HEATR1: variants seen among roughly 807,000 people sequenced by gnomAD.
HEATR1 encodes HEAT repeat-containing protein 1.
A neutral mutation model predicts 248.2 loss-of-function variants in HEATR1; 77 were observed. That is an observed-to-expected ratio of 0.31 (90% CI 0.26 to 0.37). The LOEUF (loss-of-function observed/expected upper bound fraction) is 0.37. HEATR1 is among the 10% of genes least tolerant of loss of function. The pLI is 1.00. For missense variants in HEATR1, 2,420 were observed against 2,504.9 expected, an observed-to-expected ratio of 0.97 and a Z score of 0.72; for synonymous variants, 897 against 923.1, an observed-to-expected ratio of 0.97 and a Z score of 0.51.
In HEATR1 at chr1:236,586,417, A is replaced by C. The variant is rs1663885696; in HGVS notation, c.1751T>G (p.Ile584Ser). The C allele has an allele frequency of 6.2e-6, 10 of 1,613,076 alleles. No individual in the cohort carries two copies. The highest frequency in any genetic ancestry group is 1.3e-5 in the African/African-American group (1 of 74,968). ...ATTTTCACTCAGTATCTCTTCTTTA[A>C]TTAATATGTCAGCGGCTATCTTAAG... Reference protein sequence around the residue: ...EVLKIAADILIKEEILSENDQ... With the variant: ...EVLKIAADILSKEEILSENDQ... The change falls in exon 15 of 45, where the codon ATT (isoleucine) becomes AGT (serine). Residue 584 changes from isoleucine (I) to serine (S), a missense_variant. Ile to Ser is a moderately radical substitution (Grantham distance 142). Transcript: ENST00000366582.
intron 5 of HEATR1, 128 bp downstream of exon 5, chr1:236,597,750 C>A: frequency 1.7e-6 from 1 of 579,446 alleles, no homozygotes; most frequent in Non-Finnish European, 2.9e-6. Context: ...CTTCAAAACA[C>A]CAGACCATTT....
At chr1:236,589,546 AT>A (rs1663977962) in intron 12 of HEATR1, among the ~76,000 whole-genome samples, 1 of 152,232 alleles carries the variant, frequency 6.6e-6, no homozygotes. Flanking sequence ...TATAAAACCA[AT>A]AAAATTCAAA....
intron 22 of HEATR1, 95 bp downstream of exon 22, chr1:236,576,123 AT>A (rs1663556039): frequency 1.1e-6 from 1 of 930,434 alleles, no homozygotes. Flanking sequence ...GAGCGCACAC[AT>A]GCAACTCTTA....
Position 236,592,620 on chromosome 1 carries a change from C to G in HEATR1, c.1207G>C (p.Glu403Gln). Reference protein sequence around the residue: ...DHLLASLLFEEYISYSSQEEM... With the variant: ...DHLLASLLFEQYISYSSQEEM... ...TCCTGTGAACTATATGAAATATACT[C>G]TTCAAATAGAAGGCTGTAAAAAAAA... is the stretch of plus-strand genomic sequence containing the variant. The change falls in exon 10 of 45, where the codon GAG becomes CAG. Residue 403 changes from glutamate to glutamine, a missense_variant. Coordinates refer to ENST00000366582, the MANE Select transcript of HEATR1 (RefSeq NM_018072.6). 1 of 1,362,824 alleles carries G rather than the reference C, an allele frequency of 7.3e-7. No individual in the cohort carries two copies. The highest frequency in any genetic ancestry group is 1.0e-6 in the Non-Finnish European group (1 of 975,926). 84.4% of individuals were successfully genotyped at this position (1,362,824 alleles called of 1,614,324 possible).
At chr1:236,580,519 C>CTTTTTTTTT (rs10692063) in intron 20 of HEATR1, among the ~76,000 whole-genome samples, 7 of 132,126 alleles carry the variant, frequency 5.3e-5, no homozygotes, top group East Asian at 2.2e-4. Flanking sequence ...ATGTACAGCC[C>CTTTTTTTTT]TTTTTTTTTT....
chr1:236,553,775 T>A, intron 42 of HEATR1, 36 bp from the exon 43 acceptor site: 1 of 1,570,090 alleles, frequency 6.4e-7, no homozygotes, highest in Non-Finnish European at 8.6e-7. Context: ...GAACAACAAG[T>A]CTCATTTCTT....
In HEATR1 at chr1:236,554,771, T is replaced by TA. The variant is rs1252604978; in HGVS notation, c.5924-20dup. 18 of 1,584,878 alleles carry TA rather than the reference T, an allele frequency of 1.1e-5. No individual in the cohort carries two copies. Among genetic ancestry groups the TA allele is most frequent in the Non-Finnish European group, 1.5e-5 (18 of 1,170,596 alleles). On this transcript the variant is annotated intron_variant, in intron 41 of 44. Coordinates refer to ENST00000366582, the MANE Select transcript of HEATR1 (RefSeq NM_018072.6). ...GCTTCATCTGTAGACGTGGGAAGAGTAAAAATGAAAAAACACTGAACTTAA... is the reference window on the plus strand; with the variant it reads ...GCTTCATCTGTAGACGTGGGAAGAGTAAAAAATGAAAAAACACTGAACTTAA...
chr1:236,549,141 T>A lies in HEATR1; in HGVS notation c.*1761A>T, dbSNP rs1455680846. The A allele has an allele frequency of 5.0e-6, 2 of 396,478 alleles. No individual in the cohort carries two copies. Among genetic ancestry groups the A allele is most frequent in the African/African-American group, 4.1e-5 (2 of 48,606 alleles). 24.6% of individuals were successfully genotyped at this position (396,478 alleles called of 1,614,324 possible). A position where few individuals can be genotyped will look rare whatever the true frequency, so the allele number is the denominator to read the frequency against. On this transcript the variant is annotated 3_prime_UTR_variant, in exon 45 of 45. Transcript: ENST00000366582. ...AGGCAGAGGTAATGCAGAAATCTGT[T>A]TTGTTCCCATGAAATCACCAATCAA... is the stretch of plus-strand genomic sequence containing the variant.
At position 236,564,491 on chromosome 1, in the gene HEATR1, A is replaced by C; in HGVS notation, c.4599+7T>G. ...CTTTTTATAAACACATTTAAAGAAC[A>C]CATTACCTTTTTCAGAAAATTATTG... On this transcript the variant is annotated splice_region_variant and intron_variant, in intron 32 of 44. Transcript: ENST00000366582. 1 of 1,612,100 alleles carries C rather than the reference A, an allele frequency of 6.2e-7. No individual in the cohort carries two copies. Among genetic ancestry groups the C allele is most frequent in the Non-Finnish European group, 8.5e-7 (1 of 1,179,412 alleles).
intron 43 of HEATR1, among the ~76,000 whole-genome samples, chr1:236,553,341 C>G (rs554326593): frequency 1.3e-5 from 2 of 152,308 alleles, no homozygotes; most frequent in African/African-American, 4.8e-5. Context: ...GCCCAACGCA[C>G]CATTGGGGTG....
chr1:236,593,266 G>C (rs751305094), intron 9 of HEATR1, among the ~76,000 whole-genome samples: 12 of 151,402 alleles, frequency 7.9e-5, no homozygotes, highest in Non-Finnish European at 1.3e-4. Flanking sequence ...AGCAATAAAA[G>C]GCAACATTCA....
intron 14 of HEATR1, among the ~76,000 whole-genome samples, chr1:236,587,045 TTAA>T (rs1215905488): frequency 1.3e-5 from 2 of 152,138 alleles, no homozygotes; most frequent in Non-Finnish European, 2.9e-5. Flanking sequence ...AACTTATTTT[TTAA>T]TTTGTTTAAC....
chr1:236,603,359 C>A lies in HEATR1; in HGVS notation c.160G>T (p.Glu54Ter). 1 of 1,613,960 alleles carries A rather than the reference C, an allele frequency of 6.2e-7. No homozygotes were observed. Among genetic ancestry groups the A allele is most frequent in the Non-Finnish European group, 8.5e-7 (1 of 1,179,990 alleles). The change falls in exon 3 of 45, where the codon GAG becomes TAG. Residue 54 changes from glutamate to a stop codon, truncating the protein, a stop_gained. Coordinates refer to ENST00000366582, the MANE Select transcript of HEATR1 (RefSeq NM_018072.6). LOFTEE classifies it high-confidence loss of function. ...AFAIGCTGLE[E>*]LLGIDPSFEQ... ...AAGGAAGGATCAATTCCAAGCAACT[C>A]TTCCAGGCCAGTACATCCTAAATTT...
chr1:236,590,899 G>A lies in HEATR1; in HGVS notation c.1478C>T (p.Pro493Leu), dbSNP rs753474949. 148 of 1,521,072 alleles carry A rather than the reference G, an allele frequency of 9.7e-5. No individual in the cohort carries two copies. The highest frequency in any genetic ancestry group is 1.2e-4 in the Non-Finnish European group (138 of 1,124,906). The allele number at this position is 1,521,072 out of a possible 1,614,324, so 94.2% of individuals were successfully genotyped here. A position where few individuals can be genotyped will look rare whatever the true frequency, so the allele number is the denominator to read the frequency against. Reference sequence around the variant, plus strand: ...ATGATTCATGGCCAGAATTCTCACAGGAGCAAGTGGATGATTCAGGCTGAG... The same window carrying A: ...ATGATTCATGGCCAGAATTCTCACAAGAGCAAGTGGATGATTCAGGCTGAG... ...LMLSLNHPLAPVRILAMNHLK... is the reference protein window; with the variant it reads ...LMLSLNHPLALVRILAMNHLK... The change falls in exon 12 of 45, where the codon CCT (proline) becomes CTT (leucine). Residue 493 changes from proline (P) to leucine (L), a missense_variant. By Grantham distance (98) the Pro-to-Leu change is moderately conservative. Transcript: ENST00000366582.
intron 9 of HEATR1, among the ~76,000 whole-genome samples, chr1:236,592,944 C>T (rs1411553184): frequency 6.6e-6 from 1 of 152,176 alleles, no homozygotes; most frequent in Non-Finnish European, 1.5e-5. Flanking sequence ...CCTGTAATCC[C>T]AGTACTTTGG....
intron 36 of HEATR1, 80 bp downstream of exon 36, chr1:236,558,157 A>G: frequency 6.8e-7 from 1 of 1,462,012 alleles, no homozygotes; most frequent in Non-Finnish European, 9.2e-7. Context: ...CAGAGGAAAA[A>G]AAAAAAAAGT....
At position 236,571,482 on chromosome 1, in the gene HEATR1, T is replaced by C. The variant is rs1558183040; in HGVS notation, c.3827-10A>G. On this transcript the variant is annotated splice_polypyrimidine_tract_variant and intron_variant, in intron 27 of 44. Coordinates refer to ENST00000366582, the MANE Select transcript of HEATR1 (RefSeq NM_018072.6). Reference sequence around the variant, plus strand: ...TCCTCATCTAAAATATCTACAATGGTGAGAAAGACAAAAACCCTAAGTGGC... The same window carrying C: ...TCCTCATCTAAAATATCTACAATGGCGAGAAAGACAAAAACCCTAAGTGGC... 6.2e-7 allele frequency: 1 copy of C among 1,613,492 alleles called. No homozygotes were observed. Among genetic ancestry groups the C allele is most frequent in the Admixed American group, 1.7e-5 (1 of 59,806 alleles).
intron 3 of HEATR1, among the ~76,000 whole-genome samples, chr1:236,600,038 G>A (rs867065168): frequency 4.0e-5 from 6 of 151,148 alleles, no homozygotes; most frequent in African/African-American, 1.5e-4. Context: ...GACCACAGGG[G>A]AGCACCATCA....
chr1:236,603,484 G>C, intron 2 of HEATR1, 108 bp from the exon 3 acceptor site: 1 of 792,926 alleles, frequency 1.3e-6, no homozygotes, highest in Non-Finnish European at 2.0e-6. Flanking sequence ...AATTCTTTAA[G>C]TACATATAAT....
Sources: gnomAD v4.1 joint callset for allele counts (sites outside exome capture counted in the v4.1 genomes callset) on GRCh38, gnomAD v4.1.1 for gene constraint, MANE v1.5 for transcripts, NCBI Gene and HGNC (gene_info 2026-07-23, HGNC 2026-07-21) for gene names.